SPRR1B: variants seen among roughly 807,000 people sequenced by gnomAD.
The protein encoded by SPRR1B is small proline rich protein 1B.
A neutral mutation model predicts 1.2 loss-of-function variants in SPRR1B; 1 was observed. The ratio of observed to expected loss-of-function variants is 0.82; its 90% CI spans 0.29 to 3.89. The LOEUF is 3.89. Ranked by LOEUF, SPRR1B falls within the 30% of genes most tolerant of loss-of-function variation. The pLI is 0.18. For missense variants in SPRR1B, 102 were observed against 106.0 expected, an observed-to-expected ratio of 0.96 and a Z score of 0.17; for synonymous variants, 37 against 38.3, an observed-to-expected ratio of 0.97 and a Z score of 0.13.
chr1:153,032,190 A>G, intron 1 of SPRR1B, 137 bp from the exon 2 acceptor site: 1 of 1,182,502 alleles, frequency 8.5e-7, no homozygotes, highest in Admixed American at 2.6e-5. Context: ...CCTCTTCTTC[A>G]AAGGCTCAGA....
Position 153,032,005 on chromosome 1 carries a change from T to C in SPRR1B, c.-19-322T>C, listed in dbSNP as rs372717138. Among the ~76,000 whole-genome samples the C allele has an allele frequency of 2.7e-5, 4 of 149,148 alleles. 1 individual carries two copies. The highest frequency in any genetic ancestry group is 9.9e-5 in the African/African-American group (4 of 40,510). ...AGCCATGCTATTTATCAGAAATGAG[T>C]GAGTAGATTTAATTTGTTAGGGTTT... is the stretch of plus-strand genomic sequence containing the variant. On this transcript the variant is annotated intron_variant, in intron 1 of 1. Transcript: ENST00000307098.
In SPRR1B at chr1:153,032,781, C is replaced by T. The variant is rs1286772643; in HGVS notation, c.*166C>T. On this transcript the variant is annotated 3_prime_UTR_variant, in exon 2 of 2. Transcript: ENST00000307098. ...ACACACTCTGAGTCTCTGAATGAAG[C>T]TGAAGGTCTTAGTACCAGAGCTAGT... 1 of 1,289,258 alleles carries T rather than the reference C, an allele frequency of 7.8e-7. No homozygotes were observed. The highest frequency in any genetic ancestry group is 1.0e-6 in the Non-Finnish European group (1 of 952,910). The allele number at this position is 1,289,258 out of a possible 1,614,324, so 79.9% of individuals were successfully genotyped here. A position where few individuals can be genotyped will look rare whatever the true frequency, so the allele number is the denominator to read the frequency against.
At chr1:153,031,861 G>C (rs1653717631) in intron 1 of SPRR1B, among the ~76,000 whole-genome samples, 1 of 152,186 alleles carries the variant, frequency 6.6e-6, no homozygotes, top group South Asian at 2.1e-4. Flanking sequence ...TGTGGAGTTT[G>C]GTTAGTGCTT....
chr1:153,031,525 A>G lies in SPRR1B; in HGVS notation c.-20+278A>G, dbSNP rs906174230. ...ATTCAAGGATCCATAGTAAGTTTGT[A>G]ATGGGATAATGACTAGAACCCAGGT... On this transcript the variant is annotated intron_variant, in intron 1 of 1. Coordinates refer to ENST00000307098, the MANE Select transcript of SPRR1B (RefSeq NM_003125.3). Among the ~76,000 whole-genome samples, 5 of 152,300 alleles carry G rather than the reference A, an allele frequency of 3.3e-5. No homozygotes were observed. In the East Asian group the frequency reaches 9.6e-4, roughly 29 times the overall value.
Position 153,032,340 on chromosome 1 carries a change from T to G in SPRR1B, c.-6T>G, listed in dbSNP as rs2101590679. 4 of 1,613,338 alleles carry G rather than the reference T, an allele frequency of 2.5e-6. No individual in the cohort carries two copies. The highest frequency in any genetic ancestry group is 1.7e-4 in the Middle Eastern group (1 of 6,054). ...TTCTGTGTCCAGGACCAGTCACTGT[T>G]GCAGCATGAGTTCCCAGCAGCAGAA... On this transcript the variant is annotated 5_prime_UTR_variant, in exon 2 of 2. Coordinates refer to ENST00000307098, the MANE Select transcript of SPRR1B (RefSeq NM_003125.3).
chr1:153,032,170 T>C (rs1248944340), intron 1 of SPRR1B, among the ~76,000 whole-genome samples, 157 bp from the exon 2 acceptor site: 2 of 152,164 alleles, frequency 1.3e-5, no homozygotes, highest in Non-Finnish European at 2.9e-5. Context: ...GAGCAAATCA[T>C]CTTTAGGTTC....
At chr1:153,032,258 A>C in intron 1 of SPRR1B, 69 bp from the exon 2 acceptor site, 1 of 1,511,984 alleles carries the variant, frequency 6.6e-7, no homozygotes, top group Non-Finnish European at 8.9e-7. Context: ...TTTTTAAGAG[A>C]CCAGAAGTGG....
In SPRR1B at chr1:153,032,795, A is replaced by G; in HGVS notation, c.*180A>G. The G allele has an allele frequency of 8.5e-7, 1 of 1,181,100 alleles. No individual in the cohort carries two copies. Among genetic ancestry groups the G allele is most frequent in the Non-Finnish European group, 1.2e-6 (1 of 857,654 alleles). The allele number at this position is 1,181,100 out of a possible 1,614,324, so 73.2% of individuals were successfully genotyped here. On this transcript the variant is annotated 3_prime_UTR_variant, in exon 2 of 2. Transcript: ENST00000307098. ...TCTGAATGAAGCTGAAGGTCTTAGT[A>G]CCAGAGCTAGTTTTCAGCTGCTCAG...
At position 153,032,696 on chromosome 1, in the gene SPRR1B, G is replaced by A; in HGVS notation, c.*81G>A. Reference sequence around the variant, plus strand: ...CCCATTCTGCGTATGAGTCCCATTTGCCTTGCAATTAGCATTCTGTCTCCC... The same window carrying A: ...CCCATTCTGCGTATGAGTCCCATTTACCTTGCAATTAGCATTCTGTCTCCC... On this transcript the variant is annotated 3_prime_UTR_variant, in exon 2 of 2. Transcript: ENST00000307098. The A allele has an allele frequency of 6.5e-7, 1 of 1,539,784 alleles. No homozygotes were observed. The highest frequency in any genetic ancestry group is 1.3e-5 in the South Asian group (1 of 78,260).
At chr1:153,032,156 G>A (rs901252877) in intron 1 of SPRR1B, among the ~76,000 whole-genome samples, 171 bp from the exon 2 acceptor site, 1 of 152,156 alleles carries the variant, frequency 6.6e-6, no homozygotes, top group Non-Finnish European at 1.5e-5. Flanking sequence ...CTCCAGTGGA[G>A]CAAGAGCAAA....
chr1:153,032,751 T>C lies in SPRR1B; in HGVS notation c.*136T>C. Reference sequence around the variant, plus strand: ...AAAAGAATGTGCTATGAAGCTTTCTTTCCTACACACTCTGAGTCTCTGAAT... The same window carrying C: ...AAAAGAATGTGCTATGAAGCTTTCTCTCCTACACACTCTGAGTCTCTGAAT... On this transcript the variant is annotated 3_prime_UTR_variant, in exon 2 of 2. Coordinates refer to ENST00000307098, the MANE Select transcript of SPRR1B (RefSeq NM_003125.3). 1.4e-6 allele frequency: 2 copies of C among 1,421,832 alleles called. No homozygotes were observed. The highest frequency in any genetic ancestry group is 4.9e-5 in the East Asian group (2 of 40,486). 88.1% of individuals were successfully genotyped at this position (1,421,832 alleles called of 1,614,324 possible).
rs775041820 is a variant in SPRR1B, at chr1:153,032,857, G to A, written c.*242G>A. The A allele has an allele frequency of 3.9e-5, 27 of 692,268 alleles. No individual in the cohort carries two copies. Among genetic ancestry groups the A allele is most frequent in the Admixed American group, 3.8e-4 (12 of 31,710 alleles). 42.9% of individuals were successfully genotyped at this position (692,268 alleles called of 1,614,324 possible). A position where few individuals can be genotyped will look rare whatever the true frequency, so the allele number is the denominator to read the frequency against. On this transcript the variant is annotated 3_prime_UTR_variant, in exon 2 of 2. Coordinates refer to ENST00000307098, the MANE Select transcript of SPRR1B (RefSeq NM_003125.3). ...AGAGAGACTTAAGATGAAAGCAAATGATTCAGCTCCCTTATACCCCCATTA... is the reference window on the plus strand; with the variant it reads ...AGAGAGACTTAAGATGAAAGCAAATAATTCAGCTCCCTTATACCCCCATTA...
Position 153,032,862 on chromosome 1 carries a change from A to G in SPRR1B, c.*247A>G. Reference sequence around the variant, plus strand: ...GACTTAAGATGAAAGCAAATGATTCAGCTCCCTTATACCCCCATTAAATTC... The same window carrying G: ...GACTTAAGATGAAAGCAAATGATTCGGCTCCCTTATACCCCCATTAAATTC... On this transcript the variant is annotated 3_prime_UTR_variant, in exon 2 of 2. Coordinates refer to ENST00000307098, the MANE Select transcript of SPRR1B (RefSeq NM_003125.3). 1 of 670,824 alleles carries G rather than the reference A, an allele frequency of 1.5e-6. No homozygotes were observed. The highest frequency in any genetic ancestry group is 2.5e-6 in the Non-Finnish European group (1 of 404,562). The allele number at this position is 670,824 out of a possible 1,614,324, so 41.6% of individuals were successfully genotyped here.
rs2101591173 is a variant in SPRR1B, at chr1:153,032,896, T to A, written c.*281T>A. On this transcript the variant is annotated 3_prime_UTR_variant, in exon 2 of 2. Coordinates refer to ENST00000307098, the MANE Select transcript of SPRR1B (RefSeq NM_003125.3). ...ATACCCCCATTAAATTCACTTTCAATTCCACTCTTGACTGTGTGTCATTGA... is the reference window on the plus strand; with the variant it reads ...ATACCCCCATTAAATTCACTTTCAAATCCACTCTTGACTGTGTGTCATTGA... The A allele has an allele frequency of 1.9e-6, 1 of 519,728 alleles. No homozygotes were observed. The highest frequency in any genetic ancestry group is 3.4e-5 in the East Asian group (1 of 29,718). The allele number at this position is 519,728 out of a possible 1,614,324, so 32.2% of individuals were successfully genotyped here.
rs780264504 is a variant in SPRR1B, at chr1:153,032,416, C to T, written c.71C>T (p.Pro24Leu). The change falls in exon 2 of 2, where the codon CCT becomes CTT. Residue 24 changes from proline (P) to leucine (L), a missense_variant. Transcript: ENST00000307098. Reference protein sequence around the residue: ...PQLQQQQVKQPCQPPPQEPCI... With the variant: ...PQLQQQQVKQLCQPPPQEPCI... ...CTTCAGCAGCAGCAGGTGAAACAGC[C>T]TTGCCAGCCTCCACCTCAGGAACCA... 2 of 1,613,934 alleles carry T rather than the reference C, an allele frequency of 1.2e-6. No homozygotes were observed. The highest frequency in any genetic ancestry group is 1.7e-6 in the Non-Finnish European group (2 of 1,179,994).
chr1:153,032,072 A>T (rs1175610203), intron 1 of SPRR1B, among the ~76,000 whole-genome samples: 1 of 152,020 alleles, frequency 6.6e-6, no homozygotes, highest in Non-Finnish European at 1.5e-5. Flanking sequence ...GTCCAGTATT[A>T]TGAGTCTCAT....
At position 153,032,864 on chromosome 1, in the gene SPRR1B, C is replaced by G. The variant is rs1198453378; in HGVS notation, c.*249C>G. The G allele has an allele frequency of 4.6e-6, 3 of 646,766 alleles. No individual in the cohort carries two copies. Among genetic ancestry groups the G allele is most frequent in the Non-Finnish European group, 7.8e-6 (3 of 384,036 alleles). The allele number at this position is 646,766 out of a possible 1,614,324, so 40.1% of individuals were successfully genotyped here. A position where few individuals can be genotyped will look rare whatever the true frequency, so the allele number is the denominator to read the frequency against. Reference sequence around the variant, plus strand: ...CTTAAGATGAAAGCAAATGATTCAGCTCCCTTATACCCCCATTAAATTCAC... The same window carrying G: ...CTTAAGATGAAAGCAAATGATTCAGGTCCCTTATACCCCCATTAAATTCAC... On this transcript the variant is annotated 3_prime_UTR_variant, in exon 2 of 2. Coordinates refer to ENST00000307098, the MANE Select transcript of SPRR1B (RefSeq NM_003125.3).
rs1424414020 is a variant in SPRR1B at position 153,032,313 on chromosome 1, T to C, written c.-19-14T>C. On this transcript the variant is annotated splice_polypyrimidine_tract_variant and intron_variant, in intron 1 of 1. Coordinates refer to ENST00000307098, the MANE Select transcript of SPRR1B (RefSeq NM_003125.3). ...CCTATTATTCTCTGCTTAAATCATC[T>C]GTTCTGTGTCCAGGACCAGTCACTG... The C allele has an allele frequency of 6.2e-7, 1 of 1,603,390 alleles. No homozygotes were observed. The highest frequency in any genetic ancestry group is 8.5e-7 in the Non-Finnish European group (1 of 1,174,418).
At chr1:153,031,767 C>A (rs914075648) in intron 1 of SPRR1B, among the ~76,000 whole-genome samples, 1 of 152,130 alleles carries the variant, frequency 6.6e-6, no homozygotes, top group Admixed American at 6.5e-5. Flanking sequence ...GTGATTAGGG[C>A]AAGTTCTGTG....
Sources: allele counts gnomAD v4.1 joint callset (sites outside exome capture counted in the v4.1 genomes callset), GRCh38; gene constraint gnomAD v4.1.1; transcripts MANE v1.5; gene names NCBI Gene and HGNC (gene_info 2026-07-23, HGNC 2026-07-21).